Variants in NABP1 observed in about 807,000 individuals in gnomAD.
NABP1 encodes nucleic acid binding protein 1, also known as SOSS complex subunit B2.
A neutral mutation model predicts 25.0 loss-of-function variants in NABP1; 18 were observed. The ratio of observed to expected loss-of-function variants is 0.72; its 90% CI spans 0.50 to 1.07. The LOEUF is 1.07. Ranked by LOEUF, NABP1 falls within the 50% of genes least tolerant of loss-of-function variation. The pLI is 0.00. For missense variants in NABP1, 270 were observed against 255.6 expected, an observed-to-expected ratio of 1.06 and a Z score of -0.39; for synonymous variants, 71 against 85.0, an observed-to-expected ratio of 0.84 and a Z score of 0.91.
Position 191,685,774 on chromosome 2 carries a change from G to T in NABP1, c.*6G>T, listed in dbSNP as rs374137362. Reference sequence around the variant, plus strand: ...GGAGAGCCTTTAAAAGATGACCTATGCTAAATACTCATGTGTAGTTTTTAT... The same window carrying T: ...GGAGAGCCTTTAAAAGATGACCTATTCTAAATACTCATGTGTAGTTTTTAT... On this transcript the variant is annotated 3_prime_UTR_variant, in exon 6 of 6. Coordinates refer to ENST00000425611, the MANE Select transcript of NABP1 (RefSeq NM_001031716.5). 1 of 1,613,538 alleles carries T rather than the reference G, an allele frequency of 6.2e-7. No individual in the cohort carries two copies. Among genetic ancestry groups the T allele is most frequent in the South Asian group, 1.1e-5 (1 of 91,042 alleles).
rs779387034 is a variant in NABP1 at position 191,686,863 on chromosome 2, C to T, written c.*1095C>T. The T allele has an allele frequency of 5.9e-5, 9 of 152,604 alleles. No homozygotes were observed. The highest frequency in any genetic ancestry group is 1.0e-4 in the Non-Finnish European group (7 of 68,022). 9.5% of individuals were successfully genotyped at this position (152,604 alleles called of 1,614,324 possible). On this transcript the variant is annotated 3_prime_UTR_variant, in exon 6 of 6. Coordinates refer to ENST00000425611, the MANE Select transcript of NABP1 (RefSeq NM_001031716.5). ...AAGTGGTACCCACTTCCCCTTTTTA[C>T]TGTAGGGTGGATAACTCTTAGGATT...
chr2:191,678,761 C>T (rs779315976), intron 1 of NABP1, 56 bp downstream of exon 1: 7 of 1,516,414 alleles, frequency 4.6e-6, no homozygotes, highest in African/African-American at 1.4e-5. Context: ...GGGCGGGAGA[C>T]AGGGGCGCCG....
rs1266724087 is a variant in NABP1 at position 191,678,422 on chromosome 2, T to C, written c.-193T>C. Reference sequence around the variant, plus strand: ...GTGAGCCTTTTTTTTTTTTTTTTTTTTTTTTCTTTTTTTAGGCTCAGTGCT... The same window carrying C: ...GTGAGCCTTTTTTTTTTTTTTTTTTCTTTTTCTTTTTTTAGGCTCAGTGCT... On this transcript the variant is annotated 5_prime_UTR_variant, in exon 1 of 6. Coordinates refer to ENST00000425611, the MANE Select transcript of NABP1 (RefSeq NM_001031716.5). 3.5e-5 allele frequency: 9 copies of C among 259,806 alleles called. No individual in the cohort carries two copies. Among genetic ancestry groups the C allele is most frequent in the South Asian group, 3.5e-4 (2 of 5,762 alleles). 16.1% of individuals were successfully genotyped at this position (259,806 alleles called of 1,614,324 possible).
chr2:191,681,665 A>G (rs1205248991), intron 2 of NABP1, among the ~76,000 whole-genome samples: 1 of 152,192 alleles, frequency 6.6e-6, no homozygotes, highest in African/African-American at 2.4e-5. Flanking sequence ...TAAAGATGTG[A>G]TCATTGGGTA....
chr2:191,681,981 A>G lies in NABP1; in HGVS notation c.266A>G (p.Tyr89Cys). ...ASMWKGCLTL[Y>C]TGRGGELQKI... ...ATGTGGAAAGGATGTCTGACACTTT[A>G]TACTGGAAGGGGTGGTGAACTTCAA... is the stretch of plus-strand genomic sequence containing the variant. Residue 89 changes from tyrosine (Y) to cysteine (C), a missense_variant, in exon 3 of 6, where the codon TAT (tyrosine) becomes TGT (cysteine). By Grantham distance (194) the Tyr-to-Cys change is radical. Coordinates refer to ENST00000425611, the MANE Select transcript of NABP1 (RefSeq NM_001031716.5). 6.6e-7 allele frequency: 1 copy of G among 1,517,570 alleles called. No individual in the cohort carries two copies. Among genetic ancestry groups the G allele is most frequent in the South Asian group, 1.3e-5 (1 of 74,148 alleles). The allele number at this position is 1,517,570 out of a possible 1,614,324, so 94.0% of individuals were successfully genotyped here. A position where few individuals can be genotyped will look rare whatever the true frequency, so the allele number is the denominator to read the frequency against.
At chr2:191,679,657 G>T (rs932145067) in intron 2 of NABP1, among the ~76,000 whole-genome samples, 1 of 152,188 alleles carries the variant, frequency 6.6e-6, no homozygotes, top group South Asian at 2.1e-4. Context: ...GATTACAGGC[G>T]TGAGCCACCA....
chr2:191,685,528 G>T, intron 5 of NABP1, 71 bp from the exon 6 acceptor site: 1 of 1,286,580 alleles, frequency 7.8e-7, no homozygotes, highest in South Asian at 1.5e-5. Flanking sequence ...ATAACATGTT[G>T]GCACTTAAGA....
chr2:191,684,356 A>T, intron 5 of NABP1, 60 bp downstream of exon 5: 2 of 1,245,390 alleles, frequency 1.6e-6, no homozygotes, highest in Non-Finnish European at 2.2e-6. Flanking sequence ...AGAGCTGTAA[A>T]GATTCACGTG....
At position 191,678,378 on chromosome 2, in the gene NABP1, C is replaced by T. The variant is rs983209615; in HGVS notation, c.-237C>T. ...GGGGTTGGTGTGCGGAGTGGTTCGC[C>T]TTTTTTTCTTTAGAACTTGTGAGCC... is the stretch of plus-strand genomic sequence containing the variant. On this transcript the variant is annotated 5_prime_UTR_variant, in exon 1 of 6. Coordinates refer to ENST00000425611, the MANE Select transcript of NABP1 (RefSeq NM_001031716.5). 3.0e-6 allele frequency: 1 copy of T among 338,120 alleles called. No individual in the cohort carries two copies. The highest frequency in any genetic ancestry group is 5.2e-6 in the Non-Finnish European group (1 of 190,888). The allele number at this position is 338,120 out of a possible 1,614,324, so 20.9% of individuals were successfully genotyped here. A position where few individuals can be genotyped will look rare whatever the true frequency, so the allele number is the denominator to read the frequency against.
Position 191,683,687 on chromosome 2 carries a change from T to C in NABP1, c.303-42T>C. Reference sequence around the variant, plus strand: ...GTTACATAAAGAAGGGTTGAGGACTTTATTTCAGAAGTCATTTAATTTTTT... The same window carrying C: ...GTTACATAAAGAAGGGTTGAGGACTCTATTTCAGAAGTCATTTAATTTTTT... On this transcript the variant is annotated intron_variant, in intron 3 of 5. Coordinates refer to ENST00000425611, the MANE Select transcript of NABP1 (RefSeq NM_001031716.5). This position sits in a 1 kb window ranked among gnomAD's most constrained non-coding sequence, Gnocchi z 4.1. The C allele has an allele frequency of 4.1e-6, 6 of 1,470,104 alleles. No homozygotes were observed. Among genetic ancestry groups the C allele is most frequent in the Non-Finnish European group, 5.7e-6 (6 of 1,055,762 alleles). The allele number at this position is 1,470,104 out of a possible 1,614,324, so 91.1% of individuals were successfully genotyped here.
At position 191,685,868 on chromosome 2, in the gene NABP1, T is replaced by C. The variant is rs930100584; in HGVS notation, c.*100T>C. 2.4e-5 allele frequency: 27 copies of C among 1,137,090 alleles called. 2 individuals are homozygous for C. In the Middle Eastern group the frequency reaches 2.7e-3, roughly 115 times the overall value. 70.4% of individuals were successfully genotyped at this position (1,137,090 alleles called of 1,614,324 possible). On this transcript the variant is annotated 3_prime_UTR_variant, in exon 6 of 6. Transcript: ENST00000425611. ...TTAACTGTGAAAAGTACGTCCTTTA[T>C]TGGGTTTCCTTTTATATTCTTGGTT... is the stretch of plus-strand genomic sequence containing the variant.
In NABP1 at chr2:191,683,589, T is replaced by C; in HGVS notation, c.303-140T>C. On this transcript the variant is annotated intron_variant, in intron 3 of 5. Coordinates refer to ENST00000425611, the MANE Select transcript of NABP1 (RefSeq NM_001031716.5). The surrounding 1 kb of genome is among the most constrained non-coding windows in gnomAD (Gnocchi z 4.1). ...GGGACATAATCATTTGGGAAGTTTT[T>C]GTTGTAAATGAAGAGTTAGTTTGTT... is the stretch of plus-strand genomic sequence containing the variant. 1 of 627,476 alleles carries C rather than the reference T, an allele frequency of 1.6e-6. No individual in the cohort carries two copies. The highest frequency in any genetic ancestry group is 2.9e-5 in the East Asian group (1 of 34,996). 38.9% of individuals were successfully genotyped at this position (627,476 alleles called of 1,614,324 possible).
chr2:191,678,860 C>G, intron 1 of NABP1, 130 bp from the exon 2 acceptor site: 2 of 1,414,540 alleles, frequency 1.4e-6, no homozygotes, highest in Non-Finnish European at 2.0e-6. Flanking sequence ...CGGATCCTAC[C>G]TGAGGCGGGA....
chr2:191,679,162 T>A, intron 2 of NABP1, 34 bp downstream of exon 2: 3 of 1,613,112 alleles, frequency 1.9e-6, no homozygotes, highest in Non-Finnish European at 2.5e-6. Context: ...GACCTAACAG[T>A]CTGCAGAATC....
At position 191,678,418 on chromosome 2, in the gene NABP1, T is replaced by TC; in HGVS notation, c.-197_-196insC. 1 of 296,894 alleles carries TC rather than the reference T, an allele frequency of 3.4e-6. No individual in the cohort carries two copies. The highest frequency in any genetic ancestry group is 6.1e-6 in the Non-Finnish European group (1 of 162,980). The allele number at this position is 296,894 out of a possible 1,614,324, so 18.4% of individuals were successfully genotyped here. A position where few individuals can be genotyped will look rare whatever the true frequency, so the allele number is the denominator to read the frequency against. On this transcript the variant is annotated 5_prime_UTR_variant, in exon 1 of 6. Transcript: ENST00000425611. ...ACTTGTGAGCCTTTTTTTTTTTTTT[T>TC]TTTTTTTTTCTTTTTTTAGGCTCAG...
intron 2 of NABP1, 126 bp downstream of exon 2, chr2:191,679,254 T>A: frequency 8.9e-7 from 1 of 1,129,744 alleles, no homozygotes; most frequent in South Asian, 1.5e-5. Context: ...AGTTTTGAAC[T>A]CCTTTGGTGT....
rs1196877748 is a variant in NABP1 at position 191,678,975 on chromosome 2, T to C, written c.92-15T>C. 1 of 1,614,226 alleles carries C rather than the reference T, an allele frequency of 6.2e-7. No homozygotes were observed. Among genetic ancestry groups the C allele is most frequent in the Admixed American group, 1.7e-5 (1 of 60,036 alleles). ...TATCTAACAACCCCTCCCTTTGATT[T>C]TTAAATCCTCACAGGACGCGTGACC... On this transcript the variant is annotated splice_polypyrimidine_tract_variant and intron_variant, in intron 1 of 5. Transcript: ENST00000425611.
In NABP1 at chr2:191,683,727, A is replaced by C; in HGVS notation, c.303-2A>C. ...TTTAATTTTTTCTTTATTTTCTTTC[A>C]GATTTTGTATGGTTTATTCAGAAGT... On this transcript the variant is annotated splice_acceptor_variant, in intron 3 of 5. Transcript: ENST00000425611. LOFTEE classifies it high-confidence loss of function. The surrounding 1 kb of genome is among the most constrained non-coding windows in gnomAD (Gnocchi z 4.1). 6.2e-7 allele frequency: 1 copy of C among 1,609,476 alleles called. No homozygotes were observed.
At position 191,679,148 on chromosome 2, in the gene NABP1, G is replaced by T. The variant is rs10171106; in HGVS notation, c.230+20G>T. 5 of 1,613,810 alleles carry T rather than the reference G, an allele frequency of 3.1e-6. No homozygotes were observed. The highest frequency in any genetic ancestry group is 4.2e-6 in the Non-Finnish European group (5 of 1,179,952). On this transcript the variant is annotated intron_variant, in intron 2 of 5. Transcript: ENST00000425611. ...CAGAGGGTAGGTGTGCAAAAAAGTC[G>T]GGGGACCTAACAGTCTGCAGAATCG...
Sources: allele counts gnomAD v4.1 joint callset (sites outside exome capture counted in the v4.1 genomes callset), GRCh38; gene constraint gnomAD v4.1.1; non-coding constraint Gnocchi (gnomAD v3.1); transcripts MANE v1.5; gene names NCBI Gene and HGNC (gene_info 2026-07-23, HGNC 2026-07-21).